PPIC: variants seen among roughly 807,000 people sequenced by gnomAD.
The protein encoded by PPIC is peptidylprolyl isomerase C, also known as peptidyl-prolyl cis-trans isomerase C.
Under a neutral mutation model 19.5 loss-of-function variants are expected in PPIC, and 19 were observed. The observed-to-expected ratio is 0.98, with a 90% CI of 0.68 to 1.43. The LOEUF is 1.43. Ranked by LOEUF, PPIC falls within the 40% of genes most tolerant of loss-of-function variation. PPIC has a pLI of 0.00. For synonymous variants in PPIC, 107 were observed against 101.2 expected (o/e 1.06, Z -0.34); for missense variants, 268 against 268.6 (o/e 1.00, Z 0.02).
chr5:123,036,464 C>T lies in PPIC; in HGVS notation c.117+45G>A. 1 of 1,548,616 alleles carries T rather than the reference C, an allele frequency of 6.5e-7. No homozygotes were observed. Among genetic ancestry groups the T allele is most frequent in the Non-Finnish European group, 8.8e-7 (1 of 1,132,954 alleles). On this transcript the variant is annotated intron_variant, in intron 1 of 4. Transcript: ENST00000306442. This position sits in a 1 kb window ranked among gnomAD's most constrained non-coding sequence, Gnocchi z 4.5. The stretch of plus-strand genomic sequence containing the variant: ...CCCAGTATCCAAAGCGCCCCCAGGG[C>T]CCCGCCCGCAACAGGGGAAGTTGCA...
At chr5:123,027,596 C>G in intron 3 of PPIC, among the ~76,000 whole-genome samples, 1 of 152,152 alleles carries the variant, frequency 6.6e-6, no homozygotes, top group Non-Finnish European at 1.5e-5. Context: ...AGTCTACATC[C>G]CCATACCCCT....
At chr5:123,024,421 G>T (rs1428541541) in intron 4 of PPIC, among the ~76,000 whole-genome samples, 1 of 152,192 alleles carries the variant, frequency 6.6e-6, no homozygotes, top group Non-Finnish European at 1.5e-5. Context: ...GTCTTCACAT[G>T]TATGGGCCAG....
chr5:123,030,842 C>T (rs1011621504), intron 1 of PPIC, among the ~76,000 whole-genome samples: 1 of 152,094 alleles, frequency 6.6e-6, no homozygotes, highest in African/African-American at 2.4e-5. Context: ...AATAACGAAG[C>T]AGCACCCGGA....
Position 123,036,553 on chromosome 5 carries a change from C to T in PPIC, c.73G>A (p.Gly25Arg). The change falls in exon 1 of 5, where the codon GGG (glycine) becomes AGG (arginine). Residue 25 changes from glycine (G) to arginine (R), a missense_variant. Gly to Arg is a moderately radical substitution (Grantham distance 125). Transcript: ENST00000306442. The surrounding 1 kb of genome is among the most constrained non-coding windows in gnomAD (Gnocchi z 4.5). ...VGLGALVFSSGAEGFRKRGPS... is the reference protein window; with the variant it reads ...VGLGALVFSSRAEGFRKRGPS... ...CCTCGCTTGCGGAAGCCCTCGGCCC[C>T]CGAAGAAAACACAAGTGCGCCGAGC... 3 of 1,604,648 alleles carry T rather than the reference C, an allele frequency of 1.9e-6. No homozygotes were observed. The South Asian group carries it at 3.4e-5, about 18-fold the overall frequency.
At chr5:123,035,173 T>C (rs1762989744) in intron 1 of PPIC, among the ~76,000 whole-genome samples, 1 of 152,222 alleles carries the variant, frequency 6.6e-6, no homozygotes, top group Non-Finnish European at 1.5e-5. Context: ...TGAGGACCTA[T>C]GCATATGCAG....
Position 123,029,306 on chromosome 5 carries a change from T to C in PPIC, c.230A>G (p.Glu77Gly), listed in dbSNP as rs757085256. ...AAAGGAAATAAAATTGAGACATACC[T>C]CTCCTGTTGCTAGAGCAACAAAATT... is the stretch of plus-strand genomic sequence containing the variant. Reference protein sequence around the residue: ...VENFVALATGEKGYGYKGSKF... With the variant: ...VENFVALATGGKGYGYKGSKF... The change falls in exon 2 of 5, where the codon GAG becomes GGG. Residue 77 changes from glutamate to glycine, a missense_variant and splice_region_variant. Coordinates refer to ENST00000306442, the MANE Select transcript of PPIC (RefSeq NM_000943.5). 3 of 1,614,018 alleles carry C rather than the reference T, an allele frequency of 1.9e-6. No homozygotes were observed. The South Asian group carries it at 3.3e-5, about 18-fold the overall frequency.
chr5:123,033,521 C>G (rs971876356), intron 1 of PPIC, among the ~76,000 whole-genome samples: 1 of 152,214 alleles, frequency 6.6e-6, no homozygotes, highest in Non-Finnish European at 1.5e-5. Context: ...TGGAAGCAGC[C>G]TGAGGCTGTC....
At chr5:123,030,366 T>A (rs1762926267) in intron 1 of PPIC, among the ~76,000 whole-genome samples, 1 of 152,248 alleles carries the variant, frequency 6.6e-6, no homozygotes, top group Admixed American at 6.5e-5. Flanking sequence ...TCAAAGGGCA[T>A]TCTATTAGCG....
chr5:123,036,161 A>C lies in PPIC; in HGVS notation c.117+348T>G. 1 of 247,984 alleles carries C rather than the reference A, an allele frequency of 4.0e-6. No individual in the cohort carries two copies. The allele number at this position is 247,984 out of a possible 1,614,324, so 15.4% of individuals were successfully genotyped here. ...CTGCTCCCGAGCCCAGGCCACGCTGAAGGAAGTACTTGGGCAGTCTCTTTC... is the reference window on the plus strand; with the variant it reads ...CTGCTCCCGAGCCCAGGCCACGCTGCAGGAAGTACTTGGGCAGTCTCTTTC... On this transcript the variant is annotated intron_variant, in intron 1 of 4. Coordinates refer to ENST00000306442, the MANE Select transcript of PPIC (RefSeq NM_000943.5). This position sits in a 1 kb window ranked among gnomAD's most constrained non-coding sequence, Gnocchi z 4.5.
intron 1 of PPIC, among the ~76,000 whole-genome samples, chr5:123,034,692 C>T (rs918624281): frequency 3.9e-5 from 6 of 152,202 alleles, no homozygotes; most frequent in South Asian, 2.1e-4. Context: ...ATATTCACAT[C>T]TAACTGGGCA....
In PPIC at chr5:123,023,324, G is replaced by A. The variant is rs1561745902; in HGVS notation, c.*551C>T. The A allele has an allele frequency of 6.6e-6, 1 of 152,178 alleles. No individual in the cohort carries two copies. 9.4% of individuals were successfully genotyped at this position (152,178 alleles called of 1,614,324 possible). On this transcript the variant is annotated 3_prime_UTR_variant, in exon 5 of 5. Transcript: ENST00000306442. ...CTGTTCACTGTTAATGCTAGAGTGTGTGTATTTTTGTATATTTCTTAAAGA... is the reference window on the plus strand; with the variant it reads ...CTGTTCACTGTTAATGCTAGAGTGTATGTATTTTTGTATATTTCTTAAAGA...
Position 123,036,326 on chromosome 5 carries a change from C to G in PPIC, c.117+183G>C. On this transcript the variant is annotated intron_variant, in intron 1 of 4. Transcript: ENST00000306442. The surrounding 1 kb of genome is among the most constrained non-coding windows in gnomAD (Gnocchi z 4.5). ...CAGCCCAGCTCCCCCAGGGTCTCCC[C>G]CGGAGCGCCGGCCTCCCAGCACGCG... is the stretch of plus-strand genomic sequence containing the variant. The G allele has an allele frequency of 1.6e-6, 1 of 608,938 alleles. No homozygotes were observed. Among genetic ancestry groups the G allele is most frequent in the Non-Finnish European group, 2.9e-6 (1 of 346,026 alleles). The allele number at this position is 608,938 out of a possible 1,614,324, so 37.7% of individuals were successfully genotyped here.
In PPIC at chr5:123,036,678, A is replaced by G. The variant is rs969826032; in HGVS notation, c.-53T>C. 8 of 1,471,868 alleles carry G rather than the reference A, an allele frequency of 5.4e-6. No individual in the cohort carries two copies. The African/African-American group carries it at 1.1e-4, about 21-fold the overall frequency. The allele number at this position is 1,471,868 out of a possible 1,614,324, so 91.2% of individuals were successfully genotyped here. A position where few individuals can be genotyped will look rare whatever the true frequency, so the allele number is the denominator to read the frequency against. ...CACGGGCGCTACCGGCACGGGCGCGACACAGGCTCTGGGACAGCTGACGGG... is the reference window on the plus strand; with the variant it reads ...CACGGGCGCTACCGGCACGGGCGCGGCACAGGCTCTGGGACAGCTGACGGG... On this transcript the variant is annotated 5_prime_UTR_variant, in exon 1 of 5. Transcript: ENST00000306442. The surrounding 1 kb of genome is among the most constrained non-coding windows in gnomAD (Gnocchi z 4.5).
At position 123,023,532 on chromosome 5, in the gene PPIC, G is replaced by T; in HGVS notation, c.*343C>A. ...AATAATAATATCCTCATCTGTTTCA[G>T]ATAAATGTTCAGCATTACCCAATAT... On this transcript the variant is annotated 3_prime_UTR_variant, in exon 5 of 5. Transcript: ENST00000306442. The T allele has an allele frequency of 6.2e-6, 1 of 162,068 alleles. No homozygotes were observed. Among genetic ancestry groups the T allele is most frequent in the Non-Finnish European group, 1.4e-5 (1 of 74,064 alleles). 10.0% of individuals were successfully genotyped at this position (162,068 alleles called of 1,614,324 possible). A position where few individuals can be genotyped will look rare whatever the true frequency, so the allele number is the denominator to read the frequency against.
intron 3 of PPIC, 76 bp downstream of exon 3, chr5:123,028,699 C>T: frequency 8.3e-7 from 1 of 1,197,608 alleles, no homozygotes; most frequent in Non-Finnish European, 1.2e-6. Flanking sequence ...TGGATTTCAA[C>T]AGACTGGGTT....
At chr5:123,031,958 G>C (rs914603294) in intron 1 of PPIC, among the ~76,000 whole-genome samples, 2 of 152,084 alleles carry the variant, frequency 1.3e-5, no homozygotes, top group African/African-American at 4.8e-5. Flanking sequence ...CACCACACCT[G>C]GCTAATTTTT....
intron 3 of PPIC, among the ~76,000 whole-genome samples, chr5:123,027,452 A>G (rs1172002502): frequency 2.0e-5 from 3 of 152,214 alleles, no homozygotes; most frequent in Admixed American, 6.5e-5. Flanking sequence ...TGCCAGCACC[A>G]TTCCTATGGC....
intron 1 of PPIC, among the ~76,000 whole-genome samples, chr5:123,033,834 G>A (rs1405511697): frequency 1.3e-5 from 2 of 152,246 alleles, no homozygotes; most frequent in Non-Finnish European, 2.9e-5. Flanking sequence ...GCAGCTGGAA[G>A]GATGGTGGCA....
chr5:123,031,688 A>G (rs1368228963), intron 1 of PPIC, among the ~76,000 whole-genome samples: 1 of 152,214 alleles, frequency 6.6e-6, no homozygotes, highest in African/African-American at 2.4e-5. Flanking sequence ...ACTCAAACGG[A>G]GAGAAAGAGA....
Sources: allele counts gnomAD v4.1 joint callset (sites outside exome capture counted in the v4.1 genomes callset), GRCh38; gene constraint gnomAD v4.1.1; non-coding constraint Gnocchi (gnomAD v3.1); transcripts MANE v1.5; gene names NCBI Gene and HGNC (gene_info 2026-07-23, HGNC 2026-07-21).